KIAA1217: variants seen among roughly 807,000 people sequenced by gnomAD.
The protein encoded by KIAA1217 is sickle tail protein homolog.
A neutral mutation model predicts 163.9 loss-of-function variants in KIAA1217; 88 were observed. The observed-to-expected ratio is 0.54, with a 90% CI of 0.45 to 0.64. The LOEUF (loss-of-function observed/expected upper bound fraction) is 0.64, where lower values mean the gene tolerates loss of function less well. Among genes scored for constraint, KIAA1217 ranks in the 30% least tolerant of loss-of-function variants. The probability of loss-of-function intolerance (pLI) is 0.00; values close to 1 mark genes in which losing one functional copy is unlikely to be tolerated. For synonymous variants in KIAA1217, 903 were observed against 923.1 expected, an observed-to-expected ratio of 0.98 and a Z score of 0.39; for missense variants, 2,372 against 2,475.0, an observed-to-expected ratio of 0.96 and a Z score of 0.88.
At chr10:24,167,488 G>C (rs1359238830) in intron 2 of KIAA1217, among the ~76,000 whole-genome samples, 2 of 151,982 alleles carry the variant, frequency 1.3e-5, no homozygotes, top group Non-Finnish European at 2.9e-5. Context: ...GCAAACTAGA[G>C]CCCAAGATGT....
Position 23,766,871 on chromosome 10 carries a change from C to T in KIAA1217, c.-321+71637C>T, listed in dbSNP as rs115154938. On this transcript the variant is annotated intron_variant, in intron 1 of 18. Transcript: ENST00000376462. ...CCTCCCAAACTGCCAGGATTACAGGCGTGAGCCATCATGCCCAGCTGGAAC... is the reference window on the plus strand; with the variant it reads ...CCTCCCAAACTGCCAGGATTACAGGTGTGAGCCATCATGCCCAGCTGGAAC... Among the ~76,000 whole-genome samples the T allele has an allele frequency of 7.1e-3, 1,088 of 152,270 alleles. 19 individuals carry two copies. The highest frequency in any genetic ancestry group is 0.025 in the African/African-American group (1,032 of 41,554).
chr10:23,887,323 G>A (rs1232120368), intron 1 of KIAA1217, among the ~76,000 whole-genome samples: 2 of 151,834 alleles, frequency 1.3e-5, no homozygotes. Context: ...GGGACACAGT[G>A]GGTTGTTAGT....
chr10:23,866,956 A>G (rs1246544300), intron 1 of KIAA1217, among the ~76,000 whole-genome samples: 2 of 149,500 alleles, frequency 1.3e-5, no homozygotes, highest in African/African-American at 4.9e-5. Flanking sequence ...CCATTAACTC[A>G]TCATTTAGCA....
chr10:24,175,921 G>C (rs975552438), intron 2 of KIAA1217, among the ~76,000 whole-genome samples: 1 of 152,194 alleles, frequency 6.6e-6, no homozygotes, highest in Admixed American at 6.5e-5. Flanking sequence ...CATAAAGGCA[G>C]TGCGGACCCA....
At chr10:23,908,961 G>C (rs1391894883) in intron 1 of KIAA1217, among the ~76,000 whole-genome samples, 1 of 152,054 alleles carries the variant, frequency 6.6e-6, no homozygotes, top group Non-Finnish European at 1.5e-5. Context: ...CAACCCAAAT[G>C]CCCATCAATC....
rs141733021 is a variant in KIAA1217, at chr10:24,219,768, G to A, written c.213G>A (p.Gly71=). The change falls in exon 2 of 21, where the codon GGG becomes GGA. Residue 71 remains glycine, a synonymous_variant. Coordinates refer to ENST00000376454, the MANE Select transcript of KIAA1217 (RefSeq NM_019590.5). The part of the protein sequence containing the change: ...RNIPRRHTLG[G]PRSSKEILGM... ...TCCCAAGGAGACACACCCTAGGGGG[G>A]CCCCGAAGTTCCAAGGAAATACTGG... 3.7e-6 allele frequency: 6 copies of A among 1,613,820 alleles called. No individual in the cohort carries two copies. The highest frequency in any genetic ancestry group is 4.2e-6 in the Non-Finnish European group (5 of 1,179,922).
At chr10:23,761,889 C>G (rs1834275340) in intron 1 of KIAA1217, among the ~76,000 whole-genome samples, 1 of 151,818 alleles carries the variant, frequency 6.6e-6, no homozygotes. Context: ...AGAGAAGAAT[C>G]AAATAGACAC....
rs1017602026 is a variant in KIAA1217, at chr10:23,866,733, T to C, written c.-320-140492T>C. Among the ~76,000 whole-genome samples, 5 of 152,130 alleles carry C rather than the reference T, an allele frequency of 3.3e-5. No homozygotes were observed. The South Asian group carries it at 8.3e-4, about 25-fold the overall frequency. On this transcript the variant is annotated intron_variant, in intron 1 of 18. Coordinates refer to the KIAA1217 transcript ENST00000376462. ...CAGCACTGTTTCGAGACCTTTGCAT[T>C]CTGTAGACCCAGAAGCCCTCATGTC...
At chr10:24,061,929 C>T (rs1414266013) in intron 2 of KIAA1217, among the ~76,000 whole-genome samples, 1 of 152,086 alleles carries the variant, frequency 6.6e-6, no homozygotes, top group Non-Finnish European at 1.5e-5. Flanking sequence ...TACTTCCTCA[C>T]ATTTGAGAAT....
rs187369722 is a variant in KIAA1217, at chr10:24,226,652, T to A, written c.354+6743T>A. Among the ~76,000 whole-genome samples, 1,316 of 151,140 alleles carry A rather than the reference T, an allele frequency of 8.7e-3. 11 individuals carry two copies. Among genetic ancestry groups the A allele is most frequent in the East Asian group, 0.054 (276 of 5,136 alleles). On this transcript the variant is annotated intron_variant, in intron 2 of 20. Transcript: ENST00000376454. ...GCGAGACTCCATCTCAAAAAAAAAA[T>A]AATAATAATAAATAAATAAAGGCAA...
intron 2 of KIAA1217, among the ~76,000 whole-genome samples, chr10:24,247,984 C>T (rs1445210003): frequency 1.3e-5 from 2 of 152,186 alleles, no homozygotes; most frequent in African/African-American, 4.8e-5. Flanking sequence ...TGGAATGTGG[C>T]CTGTGTTCTT....
chr10:23,754,691 G>C (rs1588724835), intron 1 of KIAA1217, among the ~76,000 whole-genome samples: 2 of 152,046 alleles, frequency 1.3e-5, no homozygotes, highest in South Asian at 2.1e-4. Context: ...TGCTTCTGCT[G>C]TCCACCTTCT....
At chr10:24,334,023 A>C (rs187232248) in intron 2 of KIAA1217, among the ~76,000 whole-genome samples, 20 of 152,344 alleles carry the variant, frequency 1.3e-4, no homozygotes, top group Admixed American at 7.2e-4. Context: ...GAGTATGACT[A>C]TTACTAAACA....
Position 24,268,020 on chromosome 10 carries a change from C to T in KIAA1217, c.354+48111C>T, listed in dbSNP as rs148997639. Among the ~76,000 whole-genome samples, 7 of 152,272 alleles carry T rather than the reference C, an allele frequency of 4.6e-5. No homozygotes were observed. In the East Asian group the frequency reaches 5.8e-4, roughly 13 times the overall value. ...CTGGCCCTTTAACTTTGTTTCCCTG[C>T]GCTGCAGCTCCTGTCTCCAGCAGTT... On this transcript the variant is annotated intron_variant, in intron 2 of 20. Coordinates refer to ENST00000376454, the MANE Select transcript of KIAA1217 (RefSeq NM_019590.5).
chr10:24,245,800 T>G (rs1050519955), intron 2 of KIAA1217, among the ~76,000 whole-genome samples: 2 of 144,070 alleles, frequency 1.4e-5, no homozygotes, highest in Admixed American at 1.4e-4. Context: ...CCAACTAATT[T>G]TTTTTTTTTT....
chr10:24,075,235 C>A (rs2061333239), intron 2 of KIAA1217, among the ~76,000 whole-genome samples: 1 of 151,892 alleles, frequency 6.6e-6, no homozygotes, highest in Non-Finnish European at 1.5e-5. Flanking sequence ...TGAAGGCAGT[C>A]CTCCCTGCAA....
At chr10:23,885,491 C>G (rs1014483300) in intron 1 of KIAA1217, among the ~76,000 whole-genome samples, 3 of 151,882 alleles carry the variant, frequency 2.0e-5, no homozygotes, top group African/African-American at 7.2e-5. Flanking sequence ...AGGACTTCGC[C>G]TGGGAGAGTC....
intron 9 of KIAA1217, among the ~76,000 whole-genome samples, chr10:24,510,649 CTTCAAAGGCA>C (rs1327653039): frequency 1.3e-5 from 2 of 152,154 alleles, no homozygotes; most frequent in Admixed American, 6.5e-5. Context: ...TTCCCGCCCC[CTTCAAAGGCA>C]GGAGCTCTGT....
intron 2 of KIAA1217, among the ~76,000 whole-genome samples, chr10:24,142,392 G>T (rs1251141745): frequency 6.6e-6 from 1 of 152,048 alleles, no homozygotes; most frequent in African/African-American, 2.4e-5. Context: ...CTTCCTATAG[G>T]TAAGATAGTG....
Sources: allele counts gnomAD v4.1 joint callset (sites outside exome capture counted in the v4.1 genomes callset), GRCh38; gene constraint gnomAD v4.1.1; transcripts MANE v1.5; gene names NCBI Gene and HGNC (gene_info 2026-07-23, HGNC 2026-07-21).